The following CDK14 variants were observed in gnomAD, a reference collection of about 807,000 sequenced individuals.
The protein encoded by CDK14 is cyclin dependent kinase 14.
Under a neutral mutation model 60.7 loss-of-function variants are expected in CDK14, and 34 were observed. The ratio of observed to expected loss-of-function variants is 0.56; its 90% CI spans 0.43 to 0.75. CDK14 has a LOEUF of 0.75. Among genes scored for constraint, CDK14 ranks in the 30% least tolerant of loss-of-function variants. The probability of loss-of-function intolerance (pLI) is 0.00; values close to 1 mark genes in which losing one functional copy is unlikely to be tolerated. For missense variants in CDK14, 482 were observed against 564.1 expected (o/e 0.85, Z 1.47); for synonymous variants, 197 against 203.7 (o/e 0.97, Z 0.28).
At chr7:90,652,011 TC>T (rs1800655775) in intron 2 of CDK14, among the ~76,000 whole-genome samples, 1 of 152,272 alleles carries the variant, frequency 6.6e-6, no homozygotes, top group South Asian at 2.1e-4. Context: ...TTTACACACT[TC>T]CCAGTGGCCT....
At chr7:90,803,360 T>C (rs1788715031) in intron 5 of CDK14, among the ~76,000 whole-genome samples, 2 of 152,128 alleles carry the variant, frequency 1.3e-5, no homozygotes, top group Non-Finnish European at 2.9e-5. Flanking sequence ...CACCCAAATA[T>C]TTAAGGCAAA....
chr7:90,772,821 T>A (rs1223961038), intron 4 of CDK14, among the ~76,000 whole-genome samples: 2 of 152,196 alleles, frequency 1.3e-5, no homozygotes, highest in African/African-American at 4.8e-5. Context: ...ACTAAAAGGA[T>A]ATATTATTAA....
At chr7:90,872,377 G>A (rs1032121160) in intron 6 of CDK14, among the ~76,000 whole-genome samples, 1 of 152,260 alleles carries the variant, frequency 6.6e-6, no homozygotes, top group Admixed American at 6.5e-5. Flanking sequence ...TACAGAATGC[G>A]AACAGATGTA....
intron 4 of CDK14, among the ~76,000 whole-genome samples, chr7:90,773,843 C>CCTCCTCTCCTCTCCT (rs530779137): frequency 0.019 from 1,492 of 78,440 alleles, 30 homozygotes; most frequent in East Asian, 0.048. Context: ...TCTTCTCTTC[C>CCTCCTCTCCTCTCCT]CTCCTCTCCT....
intron 4 of CDK14, among the ~76,000 whole-genome samples, chr7:90,753,561 TC>T (rs534729722): frequency 1.7e-3 from 256 of 152,214 alleles, no homozygotes; most frequent in Middle Eastern, 3.4e-3. Context: ...GAAGCATTCC[TC>T]TACAGAACTG....
chr7:90,879,465 A>C (rs183201796), intron 6 of CDK14, among the ~76,000 whole-genome samples: 174 of 152,306 alleles, frequency 1.1e-3, no homozygotes, highest in Non-Finnish European at 2.2e-3. Context: ...AAGATGGCCT[A>C]CTAGAAGCAG....
chr7:90,763,114 C>T (rs1462473233), intron 4 of CDK14, among the ~76,000 whole-genome samples: 1 of 151,862 alleles, frequency 6.6e-6, no homozygotes, highest in African/African-American at 2.4e-5. Flanking sequence ...AGACAACCAA[C>T]TTTATTGTAT....
intron 6 of CDK14, among the ~76,000 whole-genome samples, chr7:90,874,503 CTTTTTTTTTTTTTTTTTTTTTTTTT>C (rs747439482): frequency 2.1e-5 from 1 of 47,966 alleles, no homozygotes; most frequent in African/African-American, 6.9e-5. Flanking sequence ...TCCTTTCATC[CTTTTTTTTTTTTTTTTTTTTTTTTT>C]TTTTTTTTTT....
intron 5 of CDK14, among the ~76,000 whole-genome samples, chr7:90,799,764 A>G (rs1788569146): frequency 6.6e-6 from 1 of 150,742 alleles, no homozygotes; most frequent in Non-Finnish European, 1.5e-5. Flanking sequence ...TAAACGTTAT[A>G]CTCTGCTAGA....
At chr7:90,768,703 A>G (rs1257855041) in intron 4 of CDK14, among the ~76,000 whole-genome samples, 1 of 152,234 alleles carries the variant, frequency 6.6e-6, no homozygotes, top group Non-Finnish European at 1.5e-5. Context: ...TTGACAACTA[A>G]GCAATTGTGT....
At chr7:91,162,501 G>A (rs373393022) in intron 14 of CDK14, among the ~76,000 whole-genome samples, 4 of 152,252 alleles carry the variant, frequency 2.6e-5, no homozygotes, top group South Asian at 2.1e-4. Context: ...GCAGGAAACC[G>A]GGAAGGTTAG....
At chr7:90,790,769 T>A in intron 5 of CDK14, 117 bp downstream of exon 5, 1 of 580,090 alleles carries the variant, frequency 1.7e-6, no homozygotes, top group Non-Finnish European at 3.0e-6. Context: ...TATCTTTCAT[T>A]AAAATGTGTA....
rs368260160 is a variant in CDK14 at position 90,883,851 on chromosome 7, C to T, written c.640-15440C>T. Reference sequence around the variant, plus strand: ...AGTGACAAAAACCAAATGATTATCTCAATAGATGCAGAAAAGGCCTTTGAT... The same window carrying T: ...AGTGACAAAAACCAAATGATTATCTTAATAGATGCAGAAAAGGCCTTTGAT... On this transcript the variant is annotated intron_variant, in intron 6 of 14. Coordinates refer to ENST00000380050, the MANE Select transcript of CDK14 (RefSeq NM_001287135.2). 2.6e-5 allele frequency among the ~76,000 whole-genome samples: 4 copies of T among 152,280 alleles called. No individual in the cohort carries two copies. In the East Asian group the frequency reaches 7.7e-4, roughly 29 times the overall value.
intron 2 of CDK14, among the ~76,000 whole-genome samples, chr7:90,660,984 G>C (rs1800855437): frequency 6.6e-6 from 1 of 152,178 alleles, no homozygotes; most frequent in Admixed American, 6.5e-5. Context: ...GTCACAGGAG[G>C]TAGAAACTGA....
chr7:90,912,792 G>A (rs1389027697), intron 7 of CDK14, among the ~76,000 whole-genome samples: 3 of 151,670 alleles, frequency 2.0e-5, no homozygotes, highest in Admixed American at 2.0e-4. Flanking sequence ...TATTTTTTTT[G>A]GTAGAGACAT....
intron 2 of CDK14, among the ~76,000 whole-genome samples, chr7:90,698,875 T>C (rs1801722215): frequency 6.6e-6 from 1 of 152,192 alleles, no homozygotes; most frequent in African/African-American, 2.4e-5. Context: ...TTCTCAGTTC[T>C]CTCTCGACTC....
At chr7:91,051,183 A>G (rs1466181383) in intron 11 of CDK14, among the ~76,000 whole-genome samples, 1 of 152,166 alleles carries the variant, frequency 6.6e-6, no homozygotes, top group Non-Finnish European at 1.5e-5. Flanking sequence ...GCAAGAACTC[A>G]CTCATTATCC....
chr7:91,120,006 TA>T (rs1799733671), intron 14 of CDK14, among the ~76,000 whole-genome samples: 2 of 152,264 alleles, frequency 1.3e-5, no homozygotes, highest in South Asian at 4.1e-4. Context: ...TCATGAGGGT[TA>T]CAGCATATGC....
chr7:91,137,688 TGG>T (rs111697821), intron 14 of CDK14, among the ~76,000 whole-genome samples: 239 of 37,836 alleles, frequency 6.3e-3, no homozygotes, highest in Non-Finnish European at 9.2e-3. Flanking sequence ...TAAAGACTTG[TGG>T]GGGGTGTGTG....
Sources: gnomAD v4.1 joint callset for allele counts (sites outside exome capture counted in the v4.1 genomes callset) on GRCh38, gnomAD v4.1.1 for gene constraint, MANE v1.5 for transcripts, NCBI Gene and HGNC (gene_info 2026-07-23, HGNC 2026-07-21) for gene names.